The following CTNNA2 variants were observed in gnomAD, a reference collection of about 807,000 sequenced individuals.
CTNNA2 encodes catenin alpha 2.
In CTNNA2, 42 loss-of-function variants were observed where a neutral mutation model predicts 101.0. The ratio of observed to expected loss-of-function variants is 0.42; its 90% CI spans 0.32 to 0.54. CTNNA2 has a LOEUF of 0.54. Among genes scored for constraint, CTNNA2 ranks in the 20% least tolerant of loss-of-function variants. The pLI, the probability that CTNNA2 is intolerant of heterozygous loss-of-function variation, is 0.14. For synonymous variants in CTNNA2, 450 were observed against 456.4 expected, an observed-to-expected ratio of 0.99 and a Z score of 0.18; for missense variants, 871 against 1,223.1, an observed-to-expected ratio of 0.71 and a Z score of 4.29.
chr2:80,309,793 C>G (rs1453268414), intron 7 of CTNNA2, among the ~76,000 whole-genome samples: 1 of 151,088 alleles, frequency 6.6e-6, no homozygotes, highest in African/African-American at 2.4e-5. Context: ...CTCCCGGGTT[C>G]AAGTGATTAT....
intron 7 of CTNNA2, among the ~76,000 whole-genome samples, chr2:80,155,008 T>C (rs1444308254): frequency 6.6e-6 from 1 of 152,126 alleles, no homozygotes; most frequent in Non-Finnish European, 1.5e-5. Context: ...TGACCACATT[T>C]TCCAAAACAA....
At chr2:80,093,274 G>A (rs1435381650) in intron 7 of CTNNA2, among the ~76,000 whole-genome samples, 1 of 151,914 alleles carries the variant, frequency 6.6e-6, no homozygotes, top group East Asian at 1.9e-4. Flanking sequence ...TTGTCCTTGC[G>A]ATAGTTTGCT....
At chr2:79,196,067 GCTGGGATTA>G (rs1378879470) in intron 1 of CTNNA2, among the ~76,000 whole-genome samples, 1 of 152,066 alleles carries the variant, frequency 6.6e-6, no homozygotes. Context: ...CTCCTGAGTA[GCTGGGATTA>G]CAGGCACGAG....
Position 79,419,244 on chromosome 2 carries a change from C to CA in CTNNA2, c.-135+45237dup, listed in dbSNP as rs1360946254. ...GTTTCTTATTTCAAAGAATAATTTT[C>CA]AAAAAATATGTTATGCAAATACAAA... is the stretch of plus-strand genomic sequence containing the variant. On this transcript the variant is annotated intron_variant, in intron 4 of 21. Coordinates refer to the CTNNA2 transcript ENST00000466387. Among the ~76,000 whole-genome samples the CA allele has an allele frequency of 5.9e-5, 9 of 152,022 alleles. No individual in the cohort carries two copies. In the East Asian group the frequency reaches 1.6e-3, roughly 26 times the overall value.
intron 4 of CTNNA2, among the ~76,000 whole-genome samples, chr2:79,858,430 C>T (rs1312611143): frequency 6.6e-6 from 1 of 151,996 alleles, no homozygotes; most frequent in Non-Finnish European, 1.5e-5. Context: ...TTTCTCCTTA[C>T]TTCCTGGAAT....
intron 18 of CTNNA2, among the ~76,000 whole-genome samples, chr2:80,628,334 C>CT (rs2149822985): frequency 6.6e-6 from 1 of 152,074 alleles, no homozygotes; most frequent in Non-Finnish European, 1.5e-5. Context: ...AAGAACAAAG[C>CT]TGGAGGCATC....
At chr2:79,930,655 T>G (rs114547549) in intron 7 of CTNNA2, among the ~76,000 whole-genome samples, 2,087 of 152,308 alleles carry the variant, frequency 0.014, 54 homozygotes, top group African/African-American at 0.048. Context: ...GGGCAAGTTT[T>G]CTCCAAAGGC....
At chr2:80,008,903 T>A (rs1373186258) in intron 7 of CTNNA2, among the ~76,000 whole-genome samples, 1 of 152,228 alleles carries the variant, frequency 6.6e-6, no homozygotes, top group Non-Finnish European at 1.5e-5. Context: ...TCAACTTTTG[T>A]GCAGAACAAG....
intron 3 of CTNNA2, among the ~76,000 whole-genome samples, chr2:79,759,999 G>T (rs1012404761): frequency 6.6e-6 from 1 of 152,118 alleles, no homozygotes; most frequent in Non-Finnish European, 1.5e-5. Context: ...ATTTTAAGGC[G>T]GTATAGCATA....
At chr2:80,043,917 G>C (rs761504067) in intron 7 of CTNNA2, among the ~76,000 whole-genome samples, 1 of 152,210 alleles carries the variant, frequency 6.6e-6, no homozygotes, top group Non-Finnish European at 1.5e-5. Context: ...GAGTGTGTGT[G>C]TGTTTGTGCA....
At chr2:80,358,213 G>A (rs1006200852) in intron 7 of CTNNA2, among the ~76,000 whole-genome samples, 1 of 152,152 alleles carries the variant, frequency 6.6e-6, no homozygotes, top group Non-Finnish European at 1.5e-5. Context: ...GTGGCAAGGA[G>A]TAAGCCTTCA....
chr2:79,501,621 C>T (rs2103804665), intron 4 of CTNNA2, among the ~76,000 whole-genome samples: 1 of 152,264 alleles, frequency 6.6e-6, no homozygotes, highest in East Asian at 1.9e-4. Flanking sequence ...AATCTTAGTT[C>T]AAGGCAGGTC....
At chr2:80,093,287 GA>G in intron 7 of CTNNA2, among the ~76,000 whole-genome samples, 1 of 152,172 alleles carries the variant, frequency 6.6e-6, no homozygotes, top group South Asian at 2.1e-4. Flanking sequence ...AGTTTGCTGA[GA>G]ATGATGGTTT....
chr2:80,580,112 C>G (rs889446657), intron 13 of CTNNA2, among the ~76,000 whole-genome samples: 2 of 152,200 alleles, frequency 1.3e-5, no homozygotes, highest in Non-Finnish European at 2.9e-5. Context: ...TATAACGTCT[C>G]ATGCCTCAGT....
intron 3 of CTNNA2, among the ~76,000 whole-genome samples, chr2:79,775,882 ATTC>A (rs1051591661): frequency 2.6e-5 from 4 of 152,184 alleles, no homozygotes; most frequent in African/African-American, 7.2e-5. Context: ...GAAATCTCAA[ATTC>A]TTCTTCCGAC....
intron 7 of CTNNA2, among the ~76,000 whole-genome samples, chr2:80,364,193 G>C (rs767415569): frequency 2.6e-5 from 4 of 152,088 alleles, no homozygotes; most frequent in Admixed American, 6.6e-5. Context: ...GTACCACTGA[G>C]ATTGCTAAAA....
At chr2:79,859,190 GCTGTC>G (rs1231329064) in intron 4 of CTNNA2, among the ~76,000 whole-genome samples, 5 of 151,942 alleles carry the variant, frequency 3.3e-5, no homozygotes, top group Non-Finnish European at 5.9e-5. Flanking sequence ...GGTTACCCCT[GCTGTC>G]CTGGGCATTC....
intron 4 of CTNNA2, among the ~76,000 whole-genome samples, chr2:79,469,685 T>C (rs1250351781): frequency 1.3e-5 from 2 of 152,122 alleles, no homozygotes; most frequent in Non-Finnish European, 2.9e-5. Context: ...TCCACCATGA[T>C]CAAGTGGGCT....
chr2:80,103,443 G>A (rs1400185729), intron 7 of CTNNA2, among the ~76,000 whole-genome samples: 5 of 152,110 alleles, frequency 3.3e-5, no homozygotes, highest in Non-Finnish European at 5.9e-5. Context: ...CTTTTTATAA[G>A]CCCTGTCCCT....
Sources: allele counts gnomAD v4.1 joint callset (sites outside exome capture counted in the v4.1 genomes callset), GRCh38; gene constraint gnomAD v4.1.1; transcripts MANE v1.5; gene names NCBI Gene and HGNC (gene_info 2026-07-23, HGNC 2026-07-21).